Variants in TLN2 observed in about 807,000 individuals in gnomAD.
TLN2 encodes talin-2.
TLN2 carries 118 observed loss-of-function variants against 294.7 expected under a neutral mutation model. The ratio of observed to expected loss-of-function variants is 0.40; its 90% CI spans 0.34 to 0.47. The LOEUF is 0.47. Ranked by LOEUF, TLN2 falls within the 20% of genes least tolerant of loss-of-function variation. The pLI is 0.84. For synonymous variants in TLN2, 1,431 were observed against 1,304.5 expected (o/e 1.10, Z -2.09); for missense variants, 3,083 against 3,282.2 (o/e 0.94, Z 1.48).
chr15:62,697,672 C>T lies in TLN2; in HGVS notation c.1293-16C>T, dbSNP rs765196768. ...GGCTGGTGTTCTCTCAGTGACCAAA[C>T]CACTTTTCCCGGCAGGTCCACCATC... On this transcript the variant is annotated splice_polypyrimidine_tract_variant and intron_variant, in intron 14 of 58. Transcript: ENST00000636159. 2 of 1,587,566 alleles carry T rather than the reference C, an allele frequency of 1.3e-6. No individual in the cohort carries two copies. The highest frequency in any genetic ancestry group is 1.3e-5 in the African/African-American group (1 of 74,286).
chr15:62,579,516 C>T (rs1199028160), intron 1 of TLN2, among the ~76,000 whole-genome samples: 1 of 152,176 alleles, frequency 6.6e-6, no homozygotes, highest in African/African-American at 2.4e-5. Context: ...TTGCTGGGGG[C>T]TGAGAAGACT....
intron 21 of TLN2, among the ~76,000 whole-genome samples, chr15:62,710,842 T>C (rs1437781727): frequency 1.3e-5 from 2 of 149,846 alleles, no homozygotes; most frequent in African/African-American, 4.9e-5. Flanking sequence ...TCTTCTGCCT[T>C]AGCCTCCTGA....
At chr15:62,515,974 A>AGGGCAGCTCAGGTATGATGT (rs2040172246) in intron 1 of TLN2, among the ~76,000 whole-genome samples, 1 of 152,170 alleles carries the variant, frequency 6.6e-6, no homozygotes, top group Non-Finnish European at 1.5e-5. Flanking sequence ...TGGGTGGGGA[A>AGGGCAGCTCAGGTATGATGT]GGGCAGCTCA....
At chr15:62,759,098 A>G (rs955723647) in intron 37 of TLN2, among the ~76,000 whole-genome samples, 1 of 152,084 alleles carries the variant, frequency 6.6e-6, no homozygotes, top group African/African-American at 2.4e-5. Context: ...TTACCCTTTC[A>G]TCATTATGGC....
chr15:62,570,385 C>G (rs1327519460), intron 1 of TLN2, among the ~76,000 whole-genome samples: 1 of 152,214 alleles, frequency 6.6e-6, no homozygotes, highest in South Asian at 2.1e-4. Context: ...ATTCAAATAT[C>G]TAGACCCTCT....
chr15:62,572,278 T>C (rs2043940762), intron 1 of TLN2, among the ~76,000 whole-genome samples: 1 of 152,104 alleles, frequency 6.6e-6, no homozygotes, highest in South Asian at 2.1e-4. Flanking sequence ...TCTTGCTCTG[T>C]TACCCAGGCT....
intron 1 of TLN2, among the ~76,000 whole-genome samples, chr15:62,503,728 T>C (rs1008725016): frequency 2.0e-5 from 3 of 152,350 alleles, no homozygotes; most frequent in African/African-American, 7.2e-5. Flanking sequence ...TATTGTCCTG[T>C]TGTGAATTTT....
Position 62,505,463 on chromosome 15 carries a change from C to T in TLN2, c.-237-84224C>T, listed in dbSNP as rs796394905. Among the ~76,000 whole-genome samples, 10 of 152,204 alleles carry T rather than the reference C, an allele frequency of 6.6e-5. 1 individual carries two copies. The highest frequency in any genetic ancestry group is 2.4e-4 in the African/African-American group (10 of 41,530). ...GCATCATGTTAGTAAGCAAGGAATC[C>T]TTCTATTTAGCCAGTGTTCTTCCAG... On this transcript the variant is annotated intron_variant, in intron 1 of 58. Transcript: ENST00000636159.
chr15:62,536,333 G>A (rs2041349946), intron 1 of TLN2, among the ~76,000 whole-genome samples: 1 of 152,158 alleles, frequency 6.6e-6, no homozygotes, highest in Non-Finnish European at 1.5e-5. Flanking sequence ...TCACTTCCAG[G>A]TTAGAGGTCA....
intron 1 of TLN2, among the ~76,000 whole-genome samples, chr15:62,419,944 A>AGATG (rs2140269782): frequency 6.6e-6 from 1 of 152,082 alleles, no homozygotes; most frequent in South Asian, 2.1e-4. Flanking sequence ...TTTCTTGACA[A>AGATG]CCCAAGGGGC....
chr15:62,420,915 A>G (rs2034353806), intron 1 of TLN2, among the ~76,000 whole-genome samples: 1 of 152,192 alleles, frequency 6.6e-6, no homozygotes, highest in Non-Finnish European at 1.5e-5. Flanking sequence ...GGATCCATTT[A>G]GATTAAGTAA....
intron 2 of TLN2, among the ~76,000 whole-genome samples, chr15:62,609,104 C>A (rs1196083535): frequency 6.6e-6 from 1 of 151,882 alleles, no homozygotes; most frequent in Non-Finnish European, 1.5e-5. Context: ...TGAACGTTCC[C>A]CCTGGGCCTC....
chr15:62,525,503 C>T (rs1400801275), intron 1 of TLN2, among the ~76,000 whole-genome samples: 128 of 152,310 alleles, frequency 8.4e-4, no homozygotes, highest in Non-Finnish European at 1.2e-4. Flanking sequence ...TTTCTCTGGC[C>T]ATTGGCAGAA....
chr15:62,624,174 A>G (rs2049068041), intron 3 of TLN2, among the ~76,000 whole-genome samples: 1 of 152,218 alleles, frequency 6.6e-6, no homozygotes, highest in South Asian at 2.1e-4. Flanking sequence ...TCTAACCTTC[A>G]TTAGATCCAG....
chr15:62,638,426 T>C, intron 3 of TLN2: 2 of 423,014 alleles, frequency 4.7e-6, no homozygotes, highest in Non-Finnish European at 9.4e-6. Context: ...TACTTAATGA[T>C]GGAATTCCAG....
At chr15:62,783,748 T>C in intron 44 of TLN2, 23 bp from the exon 45 acceptor site, 1 of 1,572,630 alleles carries the variant, frequency 6.4e-7, no homozygotes, top group East Asian at 2.3e-5. Flanking sequence ...TGTGTGTGTG[T>C]CTTGCTTGTT....
intron 1 of TLN2, among the ~76,000 whole-genome samples, chr15:62,398,069 G>C (rs1337044188): frequency 1.3e-5 from 2 of 152,144 alleles, no homozygotes; most frequent in Admixed American, 1.3e-4. Flanking sequence ...ATATGGTTTG[G>C]CTGTGTACCC....
chr15:62,777,530 C>CA (rs5813171), intron 43 of TLN2, among the ~76,000 whole-genome samples: 89,431 of 135,314 alleles, frequency 0.66, 28,683 homozygotes, highest in Non-Finnish European at 0.71. Flanking sequence ...GCGAAACTCT[C>CA]AAAAAAAAAA....
intron 1 of TLN2, among the ~76,000 whole-genome samples, chr15:62,426,190 T>C (rs1245535359): frequency 6.6e-6 from 1 of 152,224 alleles, no homozygotes; most frequent in East Asian, 1.9e-4. Context: ...CCGCTGTCAC[T>C]CCCTTGCTCC....
Sources: allele counts gnomAD v4.1 joint callset (sites outside exome capture counted in the v4.1 genomes callset), GRCh38; gene constraint gnomAD v4.1.1; transcripts MANE v1.5; gene names NCBI Gene and HGNC (gene_info 2026-07-23, HGNC 2026-07-21).